Variants in FSHR observed in about 807,000 individuals in gnomAD.
The protein encoded by FSHR is follicle-stimulating hormone receptor.
Under a neutral mutation model 52.1 loss-of-function variants are expected in FSHR, and 46 were observed. The ratio of observed to expected loss-of-function variants is 0.88; its 90% CI spans 0.70 to 1.13. The LOEUF is 1.13. Ranked by LOEUF, FSHR falls within the 50% of genes most tolerant of loss-of-function variation. The pLI is 0.00. For synonymous variants in FSHR, 399 were observed against 309.6 expected (o/e 1.29, Z -3.03); for missense variants, 964 against 834.6 (o/e 1.16, Z -1.91).
chr2:49,042,695 T>C (rs1572670851), intron 2 of FSHR, among the ~76,000 whole-genome samples: 1 of 152,194 alleles, frequency 6.6e-6, no homozygotes, highest in East Asian at 1.9e-4. Flanking sequence ...AAATGGTGCA[T>C]AGTCAGCTCT....
chr2:49,073,102 A>G (rs1572707371), intron 1 of FSHR, among the ~76,000 whole-genome samples: 1 of 152,106 alleles, frequency 6.6e-6, no homozygotes. Context: ...TTGCATCACA[A>G]TTAACATCTT....
At chr2:49,093,704 C>A (rs1285752978) in intron 1 of FSHR, among the ~76,000 whole-genome samples, 1 of 151,394 alleles carries the variant, frequency 6.6e-6, no homozygotes, top group Non-Finnish European at 1.5e-5. Flanking sequence ...AAGCGATCCT[C>A]CCGCCTCAGC....
intron 2 of FSHR, among the ~76,000 whole-genome samples, chr2:49,020,693 T>C (rs2349415): frequency 0.63 from 96,315 of 152,022 alleles, 30,836 homozygotes; most frequent in East Asian, 0.78. Context: ...CTGGATTTGA[T>C]CCATTGGCTG....
chr2:49,143,352 C>T (rs1198193829), intron 1 of FSHR, among the ~76,000 whole-genome samples: 1 of 152,176 alleles, frequency 6.6e-6, no homozygotes, highest in Non-Finnish European at 1.5e-5. Context: ...TAAGTGACCA[C>T]AGAATCTGCC....
intron 2 of FSHR, among the ~76,000 whole-genome samples, chr2:49,045,018 A>G (rs1668604741): frequency 6.6e-6 from 1 of 152,216 alleles, no homozygotes; most frequent in South Asian, 2.1e-4. Context: ...TAAGTGACTA[A>G]TTGTACTAAA....
intron 2 of FSHR, among the ~76,000 whole-genome samples, chr2:49,057,914 C>T (rs2104317701): frequency 6.6e-6 from 1 of 152,166 alleles, no homozygotes; most frequent in African/African-American, 2.4e-5. Context: ...GAATGAAGGA[C>T]AAAATTCATA....
chr2:49,007,181 C>T (rs1667102373), intron 4 of FSHR, among the ~76,000 whole-genome samples: 1 of 152,070 alleles, frequency 6.6e-6, no homozygotes, highest in Non-Finnish European at 1.5e-5. Context: ...GGCTCTTTTC[C>T]CACCATCATA....
chr2:49,007,383 T>A (rs763899249), intron 4 of FSHR, among the ~76,000 whole-genome samples: 2 of 152,094 alleles, frequency 1.3e-5, no homozygotes, highest in Non-Finnish European at 2.9e-5. Flanking sequence ...ATGATAAGTG[T>A]TAAATTATAA....
chr2:49,050,100 T>A (rs1668801674), intron 2 of FSHR, among the ~76,000 whole-genome samples: 1 of 152,086 alleles, frequency 6.6e-6, no homozygotes, highest in African/African-American at 2.4e-5. Flanking sequence ...AAATAGTTAT[T>A]TTCAGAATAT....
At position 49,021,863 on chromosome 2, in the gene FSHR, C is replaced by CTCTCTCTATATA. The variant is rs1467766420; in HGVS notation, c.225-1704_225-1703insTATATAGAGAGA. On this transcript the variant is annotated intron_variant, in intron 2 of 9. Coordinates refer to ENST00000406846, the MANE Select transcript of FSHR (RefSeq NM_000145.4). Reference sequence around the variant, plus strand: ...TCTCTCTCTCTCTCTCTCTCTCTCTCTATATATATATATATATATATATAG... The same window carrying CTCTCTCTATATA: ...TCTCTCTCTCTCTCTCTCTCTCTCTCTCTCTCTATATATATATATATATATATATATATATAG... Among the ~76,000 whole-genome samples, 3 of 49,864 alleles carry CTCTCTCTATATA rather than the reference C, an allele frequency of 6.0e-5. 1 individual carries two copies. The highest frequency in any genetic ancestry group is 1.6e-4 in the African/African-American group (2 of 12,184). 32.7% of individuals were successfully genotyped at this position (49,864 alleles called of 152,430 possible).
chr2:49,132,048 G>C (rs1265360313), intron 1 of FSHR, among the ~76,000 whole-genome samples: 1 of 152,220 alleles, frequency 6.6e-6, no homozygotes, highest in East Asian at 1.9e-4. Flanking sequence ...TGTGTCTTTA[G>C]CTGCATTAAA....
intron 4 of FSHR, among the ~76,000 whole-genome samples, chr2:49,008,234 A>T (rs1419658572): frequency 8.6e-6 from 1 of 115,950 alleles, no homozygotes; most frequent in Admixed American, 1.1e-4. Context: ...TGTCCATGTG[A>T]TCTCATTGTT....
intron 1 of FSHR, among the ~76,000 whole-genome samples, chr2:49,071,053 C>G (rs1038318582): frequency 2.6e-5 from 4 of 152,112 alleles, no homozygotes; most frequent in Non-Finnish European, 5.9e-5. Flanking sequence ...TGGTACGAAA[C>G]TGGCACATGA....
chr2:49,125,208 A>G (rs1260791764), intron 1 of FSHR, among the ~76,000 whole-genome samples: 1 of 152,124 alleles, frequency 6.6e-6, no homozygotes, highest in African/African-American at 2.4e-5. Flanking sequence ...ATACATCATC[A>G]TCTAGCATAG....
At chr2:49,045,381 C>T (rs535820835) in intron 2 of FSHR, among the ~76,000 whole-genome samples, 1 of 152,260 alleles carries the variant, frequency 6.6e-6, no homozygotes, top group East Asian at 1.9e-4. Flanking sequence ...GATTTGTATG[C>T]ACATTAAATT....
At chr2:49,004,191 A>T (rs1667002097) in intron 4 of FSHR, among the ~76,000 whole-genome samples, 1 of 152,122 alleles carries the variant, frequency 6.6e-6, no homozygotes, top group Non-Finnish European at 1.5e-5. Flanking sequence ...TCATTTCCAC[A>T]TCCAGTGCCT....
chr2:49,008,596 C>G (rs1393576639), intron 4 of FSHR, among the ~76,000 whole-genome samples: 8 of 148,278 alleles, frequency 5.4e-5, no homozygotes, highest in Non-Finnish European at 1.1e-4. Flanking sequence ...CCTGAGGAAT[C>G]GCCACACTGA....
At chr2:49,013,123 C>A (rs1193407299) in intron 4 of FSHR, among the ~76,000 whole-genome samples, 1 of 150,230 alleles carries the variant, frequency 6.7e-6, no homozygotes, top group South Asian at 2.1e-4. Flanking sequence ...CTCTATCTTC[C>A]CCCCCCACCC....
chr2:48,993,857 A>G (rs1675897177), intron 4 of FSHR, among the ~76,000 whole-genome samples: 1 of 152,146 alleles, frequency 6.6e-6, no homozygotes, highest in Non-Finnish European at 1.5e-5. Context: ...CTCACCCTTC[A>G]GAGTTTAGTT....
Sources: gnomAD v4.1 joint callset for allele counts (sites outside exome capture counted in the v4.1 genomes callset) on GRCh38, gnomAD v4.1.1 for gene constraint, MANE v1.5 for transcripts, NCBI Gene and HGNC (gene_info 2026-07-23, HGNC 2026-07-21) for gene names.